The following EGFL6 variants were observed in gnomAD, a reference collection of about 807,000 sequenced individuals.
The protein encoded by EGFL6 is EGF like domain multiple 6.
In EGFL6, 42 loss-of-function variants were observed where a neutral mutation model predicts 43.1. The observed-to-expected ratio is 0.98, with a 90% CI of 0.76 to 1.26. The LOEUF is 1.26. EGFL6 is among the 50% of genes most tolerant of loss of function. EGFL6 has a pLI of 0.00. For missense variants in EGFL6, 429 were observed against 427.8 expected, an observed-to-expected ratio of 1.00 and a Z score of -0.02; for synonymous variants, 164 against 163.2, an observed-to-expected ratio of 1.01 and a Z score of -0.04.
Position 13,616,397 on chromosome X carries a change from G to A in EGFL6, c.779-1333G>A, listed in dbSNP as rs1164289299. Among the ~76,000 whole-genome samples the A allele has an allele frequency of 2.7e-5, 3 of 111,559 alleles. No homozygotes were observed. In the East Asian group the frequency reaches 8.5e-4, roughly 32 times the overall value. On this transcript the variant is annotated intron_variant, in intron 7 of 11. Transcript: ENST00000361306. ...GGCCGAGGTGGGTGGATCACCCGAG[G>A]TCAGGGGTTCGAGACTAGCCTGGCC...
At chrX:13,624,035 A>G in intron 10 of EGFL6, 110 bp downstream of exon 10, 2 of 618,165 alleles carry the variant, frequency 3.2e-6, no homozygotes, top group East Asian at 3.6e-5. Flanking sequence ...GTTGTTTGTC[A>G]TTTTTGGAAA....
intron 3 of EGFL6, among the ~76,000 whole-genome samples, chrX:13,595,275 C>G (rs2146968984): frequency 9.0e-6 from 1 of 110,889 alleles, no homozygotes; most frequent in Admixed American, 9.6e-5. Context: ...TTTTAAACTA[C>G]CTATGTATTA....
chrX:13,581,386 A>G (rs2045504971), intron 1 of EGFL6, among the ~76,000 whole-genome samples: 1 of 111,701 alleles, frequency 9.0e-6, no homozygotes, highest in African/African-American at 3.3e-5. Context: ...GGGAACCCAG[A>G]CTTAATTTTA....
At chrX:13,599,912 A>G in intron 3 of EGFL6, 63 bp from the exon 4 acceptor site, 1 of 1,172,978 alleles carries the variant, frequency 8.5e-7, no homozygotes, top group Non-Finnish European at 1.2e-6. Flanking sequence ...GGGGTCTAAT[A>G]TTCCCCATCT....
chrX:13,589,058 T>G (rs2045548649), intron 1 of EGFL6, among the ~76,000 whole-genome samples: 1 of 112,062 alleles, frequency 8.9e-6, no homozygotes, highest in Non-Finnish European at 1.9e-5. Flanking sequence ...GGACTGGAGT[T>G]TCCTCCTCTG....
intron 10 of EGFL6, among the ~76,000 whole-genome samples, chrX:13,625,853 T>G (rs1376385489): frequency 1.1e-5 from 1 of 87,869 alleles, no homozygotes; most frequent in African/African-American, 4.8e-5. Flanking sequence ...ACCCCTGCAC[T>G]CCAGCCTGGG....
chrX:13,584,956 T>C (rs1484516194), intron 1 of EGFL6, among the ~76,000 whole-genome samples: 3 of 112,315 alleles, frequency 2.7e-5, no homozygotes, highest in African/African-American at 9.7e-5. Flanking sequence ...CTGAGCCAAC[T>C]GGTATCTTTT....
intron 1 of EGFL6, among the ~76,000 whole-genome samples, chrX:13,578,031 G>A (rs957046342): frequency 8.9e-6 from 1 of 112,441 alleles, no homozygotes. Context: ...CATAGTAATA[G>A]AATGCTTATA....
intron 1 of EGFL6, among the ~76,000 whole-genome samples, chrX:13,581,773 A>T (rs2045507241): frequency 8.9e-6 from 1 of 112,303 alleles, no homozygotes; most frequent in Non-Finnish European, 1.9e-5. Flanking sequence ...GATTAATTTG[A>T]TCAATGTAGA....
intron 7 of EGFL6, among the ~76,000 whole-genome samples, chrX:13,610,049 C>T (rs749859515): frequency 1.8e-5 from 2 of 111,633 alleles, no homozygotes; most frequent in East Asian, 2.8e-4. Context: ...AGACATTCAG[C>T]GCCACACCCA....
At chrX:13,613,727 A>G (rs1448114209) in intron 7 of EGFL6, among the ~76,000 whole-genome samples, 1 of 112,283 alleles carries the variant, frequency 8.9e-6, no homozygotes, top group East Asian at 2.8e-4. Context: ...GAAATGTTCA[A>G]TAAGTATGTG....
chrX:13,570,952 G>C (rs966189066), intron 1 of EGFL6, among the ~76,000 whole-genome samples: 1 of 111,751 alleles, frequency 8.9e-6, no homozygotes, highest in African/African-American at 3.3e-5. Context: ...GTGTCCACTA[G>C]AATATGGTTT....
chrX:13,576,058 C>T (rs752963557), intron 1 of EGFL6, among the ~76,000 whole-genome samples: 13 of 111,551 alleles, frequency 1.2e-4, no homozygotes, highest in Non-Finnish European at 2.1e-4. Flanking sequence ...AAATTCCAGC[C>T]GTGTTGGGCC....
chrX:13,603,820 C>T lies in EGFL6; in HGVS notation c.520+384C>T, dbSNP rs148361716. On this transcript the variant is annotated intron_variant, in intron 5 of 11. Coordinates refer to ENST00000361306, the MANE Select transcript of EGFL6 (RefSeq NM_015507.4). ...TTCTAGCTAATATTTTCTGGAAAAACTATATTTACTTATTTTTTAGATATA... is the reference window on the plus strand; with the variant it reads ...TTCTAGCTAATATTTTCTGGAAAAATTATATTTACTTATTTTTTAGATATA... Among the ~76,000 whole-genome samples, 1,076 of 111,588 alleles carry T rather than the reference C, an allele frequency of 9.6e-3. 11 individuals are homozygous for T. Among genetic ancestry groups the T allele is most frequent in the African/African-American group, 0.033 (1,002 of 30,733 alleles).
rs1490846311 is a variant in EGFL6, at chrX:13,619,209, A to G, written c.1149A>G (p.Gln383=). The G allele has an allele frequency of 8.3e-7, 1 of 1,210,037 alleles. No individual in the cohort carries two copies. Among genetic ancestry groups the G allele is most frequent in the African/African-American group, 1.7e-5 (1 of 57,276 alleles). Residue 383 remains glutamine (Q), a synonymous_variant, in exon 9 of 12, where the codon CAA becomes CAG. Transcript: ENST00000361306. ...EAGEFGLILV[Q]RKALTSKLEH... is the part of the protein sequence containing the mutation. ...GTGAATTCGGCCTGATTCTGGTCCA[A>G]AGGAAAGCGCTAACTTCCAAACTGG...
intron 6 of EGFL6, among the ~76,000 whole-genome samples, chrX:13,606,939 C>T (rs946787947): frequency 2.7e-5 from 3 of 111,744 alleles, no homozygotes; most frequent in African/African-American, 9.8e-5. Flanking sequence ...ATAACAGTCT[C>T]CATCAGGGGT....
At chrX:13,595,236 CT>C (rs978801139) in intron 3 of EGFL6, among the ~76,000 whole-genome samples, 8 of 110,703 alleles carry the variant, frequency 7.2e-5, no homozygotes, top group African/African-American at 2.6e-4. Flanking sequence ...AAAAAAGAGC[CT>C]TTTTAAAAAG....
At chrX:13,586,445 C>A (rs1025680443) in intron 1 of EGFL6, among the ~76,000 whole-genome samples, 1 of 111,605 alleles carries the variant, frequency 9.0e-6, no homozygotes, top group Non-Finnish European at 1.9e-5. Context: ...GTATTTCTCA[C>A]CATTCTGAAG....
intron 1 of EGFL6, among the ~76,000 whole-genome samples, chrX:13,575,763 A>G (rs2045467993): frequency 8.8e-6 from 1 of 113,021 alleles, no homozygotes; most frequent in Non-Finnish European, 1.9e-5. Flanking sequence ...TGGGGGTTTT[A>G]AGCAGGAAAT....
Sources: allele counts gnomAD v4.1 joint callset (sites outside exome capture counted in the v4.1 genomes callset), GRCh38; gene constraint gnomAD v4.1.1; transcripts MANE v1.5; gene names NCBI Gene and HGNC (gene_info 2026-07-23, HGNC 2026-07-21).